Variants in CTNNA1 observed in about 807,000 individuals in gnomAD.
The protein encoded by CTNNA1 is catenin alpha 1, also known as catenin alpha-1.
Under a neutral mutation model 98.4 loss-of-function variants are expected in CTNNA1, and 37 were observed. That is an observed-to-expected ratio of 0.38 (90% CI 0.29 to 0.49). The LOEUF (loss-of-function observed/expected upper bound fraction) is 0.49. CTNNA1 is among the 20% of genes least tolerant of loss of function. CTNNA1 has a pLI of 0.95. For missense variants in CTNNA1, 761 were observed against 1,147.2 expected, an observed-to-expected ratio of 0.66 and a Z score of 4.86; for synonymous variants, 404 against 413.2, an observed-to-expected ratio of 0.98 and a Z score of 0.27.
chr5:138,871,129 A>G (rs1238029790), intron 7 of CTNNA1: 1 of 152,204 alleles, frequency 6.6e-6, no homozygotes, highest in East Asian at 1.9e-4. Context: ...TTACTGGCTA[A>G]ACTATAGCCT....
At chr5:138,802,589 G>T (rs557983744) in intron 3 of CTNNA1, among the ~76,000 whole-genome samples, 1 of 152,100 alleles carries the variant, frequency 6.6e-6, no homozygotes, top group African/African-American at 2.4e-5. Flanking sequence ...AATTCTCTGT[G>T]ATTAATCTCT....
intron 11 of CTNNA1, among the ~76,000 whole-genome samples, chr5:138,919,404 T>G (rs1411177513): frequency 6.6e-6 from 1 of 152,164 alleles, no homozygotes; most frequent in East Asian, 1.9e-4. Flanking sequence ...TTTTCAGTCC[T>G]CCTTACAGCC....
chr5:138,925,371 C>A lies in CTNNA1; in HGVS notation c.1863C>A (p.Gly621=), dbSNP rs780132701. Residue 621 remains glycine (G), a synonymous_variant, in exon 13 of 18, where the codon GGC becomes GGA. Transcript: ENST00000302763. ...FIDASRLVYD[G]IRDIRKAVLM... is the part of the protein sequence containing the mutation. ...ATGCTTCCCGCCTGGTATATGATGGCATCCGGGACATCAGGAAAGCAGTGC... is the reference window on the plus strand; with the variant it reads ...ATGCTTCCCGCCTGGTATATGATGGAATCCGGGACATCAGGAAAGCAGTGC... 6.2e-7 allele frequency: 1 copy of A among 1,614,186 alleles called. No individual in the cohort carries two copies. Among genetic ancestry groups the A allele is most frequent in the Non-Finnish European group, 8.5e-7 (1 of 1,180,046 alleles).
chr5:138,811,096 C>T (rs1190943150), intron 4 of CTNNA1, among the ~76,000 whole-genome samples: 11 of 151,870 alleles, frequency 7.2e-5, no homozygotes, highest in South Asian at 2.1e-4. Context: ...GGTTGCCGGG[C>T]GGAGGGGCTC....
At chr5:138,815,173 T>C (rs1759304606) in intron 5 of CTNNA1, among the ~76,000 whole-genome samples, 1 of 152,220 alleles carries the variant, frequency 6.6e-6, no homozygotes, top group Non-Finnish European at 1.5e-5. Flanking sequence ...GTTCCATGGA[T>C]CTGTGAAGAG....
chr5:138,856,374 A>G (rs910602155), intron 7 of CTNNA1, among the ~76,000 whole-genome samples: 1 of 151,792 alleles, frequency 6.6e-6, no homozygotes, highest in Non-Finnish European at 1.5e-5. Context: ...ACAGGGTCTC[A>G]CTCTGTTACC....
chr5:138,753,544 C>G, intron 1 of CTNNA1, 34 bp downstream of exon 1: 1 of 374,128 alleles, frequency 2.7e-6, no homozygotes, highest in Non-Finnish European at 4.8e-6. Flanking sequence ...CGGGCGCGGT[C>G]TCTCGGGCCA....
At chr5:138,859,873 A>C (rs958734425) in intron 7 of CTNNA1, among the ~76,000 whole-genome samples, 3 of 152,240 alleles carry the variant, frequency 2.0e-5, no homozygotes, top group African/African-American at 7.2e-5. Context: ...GCAACTCTGC[A>C]TTCCAGTCTG....
intron 7 of CTNNA1, among the ~76,000 whole-genome samples, chr5:138,859,351 G>A (rs527921980): frequency 5.9e-5 from 9 of 151,786 alleles, no homozygotes; most frequent in East Asian, 3.9e-4. Flanking sequence ...GGATGGTTCT[G>A]TGAGTCTCAT....
chr5:138,928,892 C>T (rs538057411), intron 13 of CTNNA1, among the ~76,000 whole-genome samples: 8 of 151,968 alleles, frequency 5.3e-5, no homozygotes, highest in South Asian at 2.1e-4. Flanking sequence ...TCCAAGATCA[C>T]GCCACTGCAC....
chr5:138,812,306 C>T lies in CTNNA1; in HGVS notation c.588+4C>T, dbSNP rs757902181. The stretch of plus-strand genomic sequence containing the variant: ...TATGGCAGCCAAAAGACAACAGGTA[C>T]AGTCATGATTTGGGGATATATTAAA... On this transcript the variant is annotated splice_donor_region_variant and intron_variant, in intron 5 of 17. Transcript: ENST00000302763. The T allele has an allele frequency of 4.3e-6, 7 of 1,609,376 alleles. No individual in the cohort carries two copies. The highest frequency in any genetic ancestry group is 1.7e-5 in the Admixed American group (1 of 59,244).
At position 138,787,664 on chromosome 5, in the gene CTNNA1, A is replaced by G. The variant is rs75851510; in HGVS notation, c.301+4292A>G. 5.0e-3 allele frequency among the ~76,000 whole-genome samples: 767 copies of G among 152,326 alleles called. 16 individuals carry two copies. The East Asian group carries it at 0.077, about 15-fold the overall frequency. On this transcript the variant is annotated intron_variant, in intron 3 of 17. Transcript: ENST00000302763. ...GTTTATTTATTATACTTTTGAGCCA[A>G]AAATTAGACCTTCTGTATCTTTGGG...
intron 1 of CTNNA1, among the ~76,000 whole-genome samples, chr5:138,768,899 T>C (rs1580894293): frequency 6.6e-6 from 1 of 152,128 alleles, no homozygotes; most frequent in African/African-American, 2.4e-5. Flanking sequence ...AGTGATCTGC[T>C]AGCAATTTCC....
chr5:138,917,751 G>C lies in CTNNA1; in HGVS notation c.1399G>C (p.Ala467Pro). 1 of 1,614,058 alleles carries C rather than the reference G, an allele frequency of 6.2e-7. No homozygotes were observed. Among genetic ancestry groups the C allele is most frequent in the Non-Finnish European group, 8.5e-7 (1 of 1,179,988 alleles). Residue 467 changes from alanine (A) to proline (P), a missense_variant, in exon 11 of 18, where the codon GCT becomes CCT. Around this residue, in one of 6 missense-constraint regions of CTNNA1, gnomAD observed 287 missense variants for 436.0 expected, o/e 0.66. Transcript: ENST00000302763. ...TTAATATCTTTTGCAGGTTATTAAT[G>C]CTGCACTGGCTTTAGCAGCAAAACC... ...LEALCPQVIN[A>P]ALALAAKPQS...
Position 138,886,243 on chromosome 5 carries a change from A to C in CTNNA1, c.1094A>C (p.Asn365Thr). The change falls in exon 8 of 18, where the codon AAT (asparagine) becomes ACT (threonine). Residue 365 changes from asparagine to threonine, a missense_variant. Physicochemically the swap from Asn to Thr is moderately conservative, Grantham distance 65. Coordinates refer to ENST00000302763, the MANE Select transcript of CTNNA1 (RefSeq NM_001903.5). The part of the protein sequence containing the change: ...AGRKERSDAL[N>T]SAIDKMTKKT... ...CGTAAAGAAAGAAGTGATGCACTCAATTCTGCAATAGATAAAATGACCAAG... is the reference window on the plus strand; with the variant it reads ...CGTAAAGAAAGAAGTGATGCACTCACTTCTGCAATAGATAAAATGACCAAG... The C allele has an allele frequency of 6.2e-7, 1 of 1,611,384 alleles. No homozygotes were observed. The highest frequency in any genetic ancestry group is 8.5e-7 in the Non-Finnish European group (1 of 1,178,726).
intron 7 of CTNNA1, among the ~76,000 whole-genome samples, chr5:138,836,196 C>T (rs1761756817): frequency 6.6e-6 from 1 of 152,130 alleles, no homozygotes; most frequent in Non-Finnish European, 1.5e-5. Context: ...ACTTTGTATT[C>T]CTTGACATAA....
intron 5 of CTNNA1, among the ~76,000 whole-genome samples, chr5:138,820,045 C>A (rs925069391): frequency 7.0e-6 from 1 of 143,512 alleles, no homozygotes; most frequent in Admixed American, 6.9e-5. Context: ...CCCTGCCCCC[C>A]ACCGCCAGCC....
intron 7 of CTNNA1, among the ~76,000 whole-genome samples, chr5:138,882,452 G>A (rs1753120480): frequency 6.6e-6 from 1 of 152,266 alleles, no homozygotes; most frequent in African/African-American, 2.4e-5. Flanking sequence ...AGAAAAGAAA[G>A]CCTTTGTTTA....
intron 7 of CTNNA1, among the ~76,000 whole-genome samples, chr5:138,881,980 A>G (rs1196319425): frequency 6.6e-6 from 1 of 152,220 alleles, no homozygotes; most frequent in East Asian, 1.9e-4. Context: ...TTATATTCTA[A>G]CTAGTGACAA....
Sources: allele counts gnomAD v4.1 joint callset (sites outside exome capture counted in the v4.1 genomes callset), GRCh38; gene constraint gnomAD v4.1.1; regional missense constraint gnomAD v4.1.1; transcripts MANE v1.5; gene names NCBI Gene and HGNC (gene_info 2026-07-23, HGNC 2026-07-21).